The following SV2C variants were observed in gnomAD, a reference collection of about 807,000 sequenced individuals.
SV2C encodes the protein synaptic vesicle glycoprotein 2C.
A neutral mutation model predicts 79.7 loss-of-function variants in SV2C; 49 were observed. The ratio of observed to expected loss-of-function variants is 0.61; its 90% CI spans 0.49 to 0.78. The LOEUF is 0.78. SV2C is among the 30% of genes least tolerant of loss of function. The pLI is 0.00. For missense variants in SV2C, 833 were observed against 912.9 expected, an observed-to-expected ratio of 0.91 and a Z score of 1.13; for synonymous variants, 334 against 333.2, an observed-to-expected ratio of 1.00 and a Z score of -0.03.
rs1209781300 is a variant in SV2C, at chr5:76,332,872, G to A, written c.*7325G>A. ...TCACATTGAGTATCATGGATTTATG[G>A]GTCAGCATTGCCCCTAAGTCCAAGG... On this transcript the variant is annotated 3_prime_UTR_variant, in exon 13 of 13. Coordinates refer to ENST00000502798, the MANE Select transcript of SV2C (RefSeq NM_014979.4). 1 of 152,128 alleles carries A rather than the reference G, an allele frequency of 6.6e-6. No homozygotes were observed. Among genetic ancestry groups the A allele is most frequent in the African/African-American group, 2.4e-5 (1 of 41,412 alleles). 9.4% of individuals were successfully genotyped at this position (152,128 alleles called of 1,614,324 possible).
chr5:76,318,417 CAAAA>C (rs1485982417), intron 12 of SV2C, among the ~76,000 whole-genome samples: 2 of 150,194 alleles, frequency 1.3e-5, no homozygotes, highest in African/African-American at 2.5e-5. Context: ...GACTCCATCT[CAAAA>C]AGAAAGAAAG....
chr5:75,942,898 T>C, the SV2C span, among the ~76,000 whole-genome samples: 1 of 152,144 alleles, frequency 6.6e-6, no homozygotes. Flanking sequence ...CATGCGATAG[T>C]GCATGTCTGT....
chr5:76,215,035 A>G (rs1445012281), intron 4 of SV2C, among the ~76,000 whole-genome samples: 3 of 152,194 alleles, frequency 2.0e-5, no homozygotes, highest in Non-Finnish European at 4.4e-5. Flanking sequence ...TGCTCTGGCT[A>G]GGACTTTCAG....
the SV2C span, among the ~76,000 whole-genome samples, chr5:76,051,946 TA>T: frequency 6.6e-6 from 1 of 152,142 alleles, no homozygotes; most frequent in African/African-American, 2.4e-5. Context: ...CTCTGCAGAG[TA>T]ATAGATCAAT....
the SV2C span, chr5:75,921,574 C>T: frequency 4.6e-4 from 434 of 947,334 alleles, 2 homozygotes; most frequent in Admixed American, 6.1e-4. Context: ...CATTGCGGCC[C>T]GTGAAGTTCC....
At chr5:76,066,795 TAAAA>T in the SV2C span, among the ~76,000 whole-genome samples, 6 of 122,114 alleles carry the variant, frequency 4.9e-5, no homozygotes, top group South Asian at 2.6e-4. Flanking sequence ...AGGACCCTGT[TAAAA>T]AAAAAAAAAA....
rs1035514506 is a variant in SV2C at position 76,332,750 on chromosome 5, T to C, written c.*7203T>C. On this transcript the variant is annotated 3_prime_UTR_variant, in exon 13 of 13. Coordinates refer to ENST00000502798, the MANE Select transcript of SV2C (RefSeq NM_014979.4). ...AACAAAGCCATGCAAATCAGACTCC[T>C]CCTAACCCCTAAGACAGTTGTTAAA... 1.3e-5 allele frequency: 2 copies of C among 152,190 alleles called. No individual in the cohort carries two copies. Among genetic ancestry groups the C allele is most frequent in the African/African-American group, 4.8e-5 (2 of 41,442 alleles). The allele number at this position is 152,190 out of a possible 1,614,324, so 9.4% of individuals were successfully genotyped here. A position where few individuals can be genotyped will look rare whatever the true frequency, so the allele number is the denominator to read the frequency against.
chr5:76,344,335 A>G (rs1305345050), intron 12 of SV2C, among the ~76,000 whole-genome samples: 1 of 152,232 alleles, frequency 6.6e-6, no homozygotes, highest in African/African-American at 2.4e-5. Flanking sequence ...AGACTTCCTT[A>G]TAATATAATG....
intron 4 of SV2C, among the ~76,000 whole-genome samples, chr5:76,257,814 A>G (rs986139834): frequency 1.3e-5 from 2 of 149,810 alleles, no homozygotes; most frequent in Non-Finnish European, 3.0e-5. Context: ...TGTGTAATAT[A>G]TGGGTATATG....
chr5:76,330,069 A>C lies in SV2C; in HGVS notation c.*4522A>C, dbSNP rs1749129821. 6.6e-6 allele frequency: 1 copy of C among 152,116 alleles called. No individual in the cohort carries two copies. The highest frequency in any genetic ancestry group is 1.5e-5 in the Non-Finnish European group (1 of 68,028). The allele number at this position is 152,116 out of a possible 1,614,324, so 9.4% of individuals were successfully genotyped here. A position where few individuals can be genotyped will look rare whatever the true frequency, so the allele number is the denominator to read the frequency against. On this transcript the variant is annotated 3_prime_UTR_variant, in exon 13 of 13. Coordinates refer to ENST00000502798, the MANE Select transcript of SV2C (RefSeq NM_014979.4). ...CTTGTTATCTGTAATGTAGACAAAA[A>C]AAAAAAAAAACCTGTTAGTATATTC...
At chr5:76,231,591 C>T (rs1745425352) in intron 4 of SV2C, among the ~76,000 whole-genome samples, 1 of 142,736 alleles carries the variant, frequency 7.0e-6, no homozygotes, top group East Asian at 2.0e-4. Context: ...TCCCCGCTCC[C>T]CCCACTCCAC....
the SV2C span, among the ~76,000 whole-genome samples, chr5:75,939,174 A>ATATT: frequency 1.3e-5 from 2 of 152,118 alleles, no homozygotes; most frequent in Non-Finnish European, 2.9e-5. Context: ...CTTTTGATAT[A>ATATT]TATTTGTCTG....
At chr5:75,997,343 A>C in the SV2C span, among the ~76,000 whole-genome samples, 1 of 152,178 alleles carries the variant, frequency 6.6e-6, no homozygotes, top group Non-Finnish European at 1.5e-5. Flanking sequence ...GACAAATGGG[A>C]TCTAACTAAA....
the SV2C span, among the ~76,000 whole-genome samples, chr5:75,917,077 TCCTTCCCTATCTC>T: frequency 6.6e-6 from 1 of 152,212 alleles, no homozygotes; most frequent in African/African-American, 2.4e-5. Flanking sequence ...TCACTGCCTT[TCCTTCCCTATCTC>T]CCTTCCCACT....
At chr5:75,899,471 G>A in the SV2C span, among the ~76,000 whole-genome samples, 1 of 152,110 alleles carries the variant, frequency 6.6e-6, no homozygotes, top group African/African-American at 2.4e-5. Context: ...TTGCTGAGGA[G>A]AGCTTTACTT....
chr5:76,174,248 C>T (rs563580837), intron 2 of SV2C: 1 of 1,537,490 alleles, frequency 6.5e-7, no homozygotes, highest in Non-Finnish European at 9.0e-7. Context: ...TCTCTGCAGC[C>T]AGCGTCGCCC....
the SV2C span, among the ~76,000 whole-genome samples, chr5:75,948,132 A>G: frequency 6.6e-6 from 1 of 151,972 alleles, no homozygotes; most frequent in African/African-American, 2.4e-5. Context: ...TTTATCACTT[A>G]TCAAGTTACA....
chr5:76,326,909 CT>C lies in SV2C; in HGVS notation c.*1365del, dbSNP rs1207916535. 1 of 152,254 alleles carries C rather than the reference CT, an allele frequency of 6.6e-6. No homozygotes were observed. The highest frequency in any genetic ancestry group is 1.9e-4 in the East Asian group (1 of 5,202). 9.4% of individuals were successfully genotyped at this position (152,254 alleles called of 1,614,324 possible). A position where few individuals can be genotyped will look rare whatever the true frequency, so the allele number is the denominator to read the frequency against. On this transcript the variant is annotated 3_prime_UTR_variant, in exon 13 of 13. Transcript: ENST00000502798. ...CAGGCTCGTCCTTTTTACACCTCTT[CT>C]TTGAAATCTGAACCTTCCTTGTAGA... is the stretch of plus-strand genomic sequence containing the variant.
intron 2 of SV2C, among the ~76,000 whole-genome samples, chr5:76,165,294 A>T (rs1238382822): frequency 6.6e-6 from 1 of 152,218 alleles, no homozygotes; most frequent in East Asian, 1.9e-4. Flanking sequence ...TTGGTACAAT[A>T]CTATTAACTC....
Sources: gnomAD v4.1 joint callset for allele counts (sites outside exome capture counted in the v4.1 genomes callset) on GRCh38, gnomAD v4.1.1 for gene constraint, MANE v1.5 for transcripts, NCBI Gene and HGNC (gene_info 2026-07-23, HGNC 2026-07-21) for gene names.